MAGI1: variants seen among roughly 807,000 people sequenced by gnomAD.
The protein encoded by MAGI1 is membrane associated guanylate kinase, WW and PDZ domain containing 1, also known as membrane-associated guanylate kinase, WW and PDZ domain-containing protein 1.
A neutral mutation model predicts 139.9 loss-of-function variants in MAGI1; 58 were observed. That is an observed-to-expected ratio of 0.41 (90% CI 0.34 to 0.52). The LOEUF is 0.52. Among genes scored for constraint, MAGI1 ranks in the 20% least tolerant of loss-of-function variants. MAGI1 has a pLI of 0.12. For synonymous variants in MAGI1, 812 were observed against 737.9 expected, an observed-to-expected ratio of 1.10 and a Z score of -1.63; for missense variants, 1,874 against 1,901.6, an observed-to-expected ratio of 0.99 and a Z score of 0.27.
At chr3:65,722,139 T>C (rs1382814180) in intron 1 of MAGI1, among the ~76,000 whole-genome samples, 3 of 152,160 alleles carry the variant, frequency 2.0e-5, no homozygotes, top group Admixed American at 6.5e-5. Flanking sequence ...AGTCAACCAA[T>C]TCGTGCAGCA....
In MAGI1 at chr3:65,618,120, C is replaced by T. The variant is rs556615059; in HGVS notation, c.430+3852G>A. On this transcript the variant is annotated intron_variant, in intron 2 of 22. Transcript: ENST00000402939. ...GTGAACTGGTCAGATAGATAGGCAG[C>T]GAAATAGGAAAAAATAATATGTACT... Among the ~76,000 whole-genome samples, 26 of 151,926 alleles carry T rather than the reference C, an allele frequency of 1.7e-4. 1 individual carries two copies. Among genetic ancestry groups the T allele is most frequent in the Admixed American group, 3.3e-4 (5 of 15,262 alleles).
intron 2 of MAGI1, among the ~76,000 whole-genome samples, chr3:65,560,426 G>A (rs1351050932): frequency 1.3e-5 from 2 of 151,992 alleles, no homozygotes; most frequent in Admixed American, 6.6e-5. Context: ...TACCTACTAT[G>A]GACCCACGAA....
Position 66,038,320 on chromosome 3 carries a change from C to A in MAGI1, c.-12G>T, listed in dbSNP as rs781714885. The A allele has an allele frequency of 3.3e-6, 5 of 1,531,564 alleles. No individual in the cohort carries two copies. The highest frequency in any genetic ancestry group is 2.3e-5 in the East Asian group (1 of 43,762). 94.9% of individuals were successfully genotyped at this position (1,531,564 alleles called of 1,614,324 possible). ...ATCACTTTGGACATGATGAGTTACA[C>A]CCCTCCTCCAAAAAAATAAAACGAG... On this transcript the variant is annotated 5_prime_UTR_variant, in exon 1 of 23. Coordinates refer to ENST00000402939, the MANE Select transcript of MAGI1 (RefSeq NM_001033057.2).
chr3:65,563,071 C>T (rs1045491366), intron 2 of MAGI1, among the ~76,000 whole-genome samples: 1 of 152,278 alleles, frequency 6.6e-6, no homozygotes, highest in South Asian at 2.1e-4. Context: ...TATGACTTCC[C>T]TTTATATTTT....
At chr3:66,025,896 C>A (rs1205263084) in intron 1 of MAGI1, among the ~76,000 whole-genome samples, 1 of 151,798 alleles carries the variant, frequency 6.6e-6, no homozygotes, top group Non-Finnish European at 1.5e-5. Flanking sequence ...GAATCACAGA[C>A]CAATTTTAGA....
At chr3:65,821,962 C>A (rs2041974321) in intron 1 of MAGI1, among the ~76,000 whole-genome samples, 1 of 152,198 alleles carries the variant, frequency 6.6e-6, no homozygotes, top group Non-Finnish European at 1.5e-5. Flanking sequence ...CCATTTCAAC[C>A]TGACCAGATC....
intron 1 of MAGI1, among the ~76,000 whole-genome samples, chr3:65,693,883 TG>T (rs2088907818): frequency 7.2e-6 from 1 of 137,978 alleles, no homozygotes; most frequent in South Asian, 2.4e-4. Context: ...CCATCATGCC[TG>T]GCTAATTTTT....
chr3:65,826,712 T>C (rs2042249058), intron 1 of MAGI1, among the ~76,000 whole-genome samples: 1 of 152,198 alleles, frequency 6.6e-6, no homozygotes. Flanking sequence ...TATTGAGACA[T>C]CAACGCTTTT....
chr3:65,749,177 C>G (rs6445507), intron 1 of MAGI1, among the ~76,000 whole-genome samples: 69,496 of 151,960 alleles, frequency 0.46, 16,159 homozygotes, highest in Non-Finnish European at 0.52. Context: ...TGGTAGCCAG[C>G]AAACCTCAGA....
At chr3:65,930,539 C>G (rs1345580439) in intron 1 of MAGI1, among the ~76,000 whole-genome samples, 1 of 152,030 alleles carries the variant, frequency 6.6e-6, no homozygotes, top group Non-Finnish European at 1.5e-5. Flanking sequence ...TGAACCACAG[C>G]AACTCCATCT....
intron 4 of MAGI1, among the ~76,000 whole-genome samples, chr3:65,474,630 C>CACACAG (rs1950758128): frequency 6.6e-6 from 1 of 151,952 alleles, no homozygotes; most frequent in Admixed American, 6.6e-5. Flanking sequence ...CACACACACA[C>CACACAG]ACATGCACAC....
intron 1 of MAGI1, among the ~76,000 whole-genome samples, chr3:65,623,774 T>C (rs2083814441): frequency 1.3e-5 from 2 of 152,330 alleles, no homozygotes. Context: ...CAGCTACAGC[T>C]GCTCATTTTG....
intron 1 of MAGI1, among the ~76,000 whole-genome samples, chr3:65,782,181 T>A (rs984415834): frequency 6.6e-6 from 1 of 152,084 alleles, no homozygotes; most frequent in Non-Finnish European, 1.5e-5. Flanking sequence ...CTATGTTACA[T>A]GACAAAGGGG....
intron 1 of MAGI1, among the ~76,000 whole-genome samples, chr3:65,727,701 TTCAA>T (rs1462925551): frequency 3.9e-5 from 6 of 152,200 alleles, no homozygotes; most frequent in Admixed American, 2.0e-4. Context: ...TTTCTTTTGT[TTCAA>T]TCAATGAGTA....
intron 1 of MAGI1, among the ~76,000 whole-genome samples, chr3:65,920,407 C>A (rs1409167348): frequency 6.6e-6 from 1 of 152,170 alleles, no homozygotes; most frequent in Non-Finnish European, 1.5e-5. Context: ...CAAATTCTGA[C>A]AGTCACACAC....
At chr3:65,836,560 C>T (rs2042814932) in intron 1 of MAGI1, among the ~76,000 whole-genome samples, 1 of 152,058 alleles carries the variant, frequency 6.6e-6, no homozygotes, top group Non-Finnish European at 1.5e-5. Flanking sequence ...GTGGCTCACG[C>T]CTGTAATCTC....
intron 1 of MAGI1, among the ~76,000 whole-genome samples, chr3:65,677,742 T>C (rs1320969801): frequency 6.6e-6 from 1 of 152,220 alleles, no homozygotes; most frequent in Non-Finnish European, 1.5e-5. Flanking sequence ...AAACTCTTCA[T>C]ATGCCAAAAG....
intron 1 of MAGI1, among the ~76,000 whole-genome samples, chr3:65,695,493 C>T (rs2089088106): frequency 6.6e-6 from 1 of 152,204 alleles, no homozygotes; most frequent in African/African-American, 2.4e-5. Context: ...TTAGACTGCC[C>T]ATTCCCTGTT....
At chr3:65,727,127 C>G (rs1405747638) in intron 1 of MAGI1, among the ~76,000 whole-genome samples, 2 of 152,040 alleles carry the variant, frequency 1.3e-5, no homozygotes, top group African/African-American at 4.8e-5. Context: ...AGTAGTGAGA[C>G]AAAGTAATAG....
Sources: allele counts gnomAD v4.1 joint callset (sites outside exome capture counted in the v4.1 genomes callset), GRCh38; gene constraint gnomAD v4.1.1; transcripts MANE v1.5; gene names NCBI Gene and HGNC (gene_info 2026-07-23, HGNC 2026-07-21).